The following FAM53C variants were observed in gnomAD, a reference collection of about 807,000 sequenced individuals.
FAM53C encodes the protein protein FAM53C.
FAM53C carries 10 observed loss-of-function variants against 34.7 expected under a neutral mutation model. The observed-to-expected ratio is 0.29, with a 90% CI of 0.18 to 0.49. FAM53C has a LOEUF of 0.49. Among genes scored for constraint, FAM53C ranks in the 20% least tolerant of loss-of-function variants. FAM53C has a pLI of 0.99. For missense variants in FAM53C, 442 were observed against 515.3 expected, an observed-to-expected ratio of 0.86 and a Z score of 1.38; for synonymous variants, 203 against 203.6, an observed-to-expected ratio of 1.00 and a Z score of 0.03.
intron 3 of FAM53C, among the ~76,000 whole-genome samples, chr5:138,344,331 A>G (rs1432328329): frequency 6.6e-6 from 1 of 152,062 alleles, no homozygotes; most frequent in East Asian, 1.9e-4. Flanking sequence ...GGCAGTCCTA[A>G]CTCCTGACTT....
chr5:138,342,182 A>G (rs1424408010), intron 3 of FAM53C: 3 of 325,414 alleles, frequency 9.2e-6, no homozygotes, highest in African/African-American at 6.3e-5. Context: ...CCCGTTCCCT[A>G]TCTACCCAGC....
In FAM53C at chr5:138,348,533, T is replaced by C. The variant is rs1761240234; in HGVS notation, c.*1574T>C. On this transcript the variant is annotated 3_prime_UTR_variant, in exon 5 of 5. Transcript: ENST00000239906. ...GGGTTTCCTAGGACCCAGTTCCTCA[T>C]GTAAGGGAGGAAGACCAAGGTCTTT... 1 of 152,178 alleles carries C rather than the reference T, an allele frequency of 6.6e-6. No individual in the cohort carries two copies. The highest frequency in any genetic ancestry group is 2.1e-4 in the South Asian group (1 of 4,832). The allele number at this position is 152,178 out of a possible 1,614,324, so 9.4% of individuals were successfully genotyped here. A position where few individuals can be genotyped will look rare whatever the true frequency, so the allele number is the denominator to read the frequency against.
chr5:138,345,654 C>G lies in FAM53C; in HGVS notation c.921+45C>G. 2 of 1,569,456 alleles carry G rather than the reference C, an allele frequency of 1.3e-6. No homozygotes were observed. The highest frequency in any genetic ancestry group is 2.7e-5 in the African/African-American group (2 of 74,004). On this transcript the variant is annotated intron_variant, in intron 4 of 4. Coordinates refer to ENST00000239906, the MANE Select transcript of FAM53C (RefSeq NM_016605.3). The surrounding 1 kb of genome is among the most constrained non-coding windows in gnomAD (Gnocchi z 6.3). ...GGGAGCTTAGATGGGAGTGTGGGGA[C>G]TGTTCTGTTTCCACTTTTGAGCTAG... is the stretch of plus-strand genomic sequence containing the variant.
chr5:138,346,526 A>G (rs1272911230), intron 4 of FAM53C, among the ~76,000 whole-genome samples, 176 bp from the exon 5 acceptor site: 2 of 152,170 alleles, frequency 1.3e-5, no homozygotes, highest in Admixed American at 6.5e-5. Context: ...GGGGAGGCTG[A>G]GGCAGGAGAA....
intron 1 of FAM53C, among the ~76,000 whole-genome samples, chr5:138,339,422 G>A (rs997909217): frequency 2.0e-5 from 3 of 152,184 alleles, no homozygotes; most frequent in Non-Finnish European, 4.4e-5. Context: ...TTACCACTGT[G>A]TGTGGCCACA....
At position 138,345,302 on chromosome 5, in the gene FAM53C, C is replaced by G. The variant is rs1331812168; in HGVS notation, c.614C>G (p.Pro205Arg). 1.9e-6 allele frequency: 3 copies of G among 1,614,114 alleles called. No homozygotes were observed. In the African/African-American group the frequency reaches 4.0e-5, roughly 22 times the overall value. The change falls in exon 4 of 5, where the codon CCC (proline) becomes CGC (arginine). Residue 205 changes from proline (P) to arginine (R), a missense_variant. Physicochemically the swap from Pro to Arg is moderately radical, Grantham distance 103. Coordinates refer to ENST00000239906, the MANE Select transcript of FAM53C (RefSeq NM_016605.3). The surrounding 1 kb of genome is among the most constrained non-coding windows in gnomAD (Gnocchi z 6.3). The stretch of plus-strand genomic sequence containing the variant: ...GCCCTGGCCCAAGATTCCTCTCGAC[C>G]CTGCGCCGCCTCCCCTCAAAGTGGC... ...SLALAQDSSR[P>R]CAASPQSGSW...
At position 138,341,423 on chromosome 5, in the gene FAM53C, C is replaced by T. The variant is rs1328448603; in HGVS notation, c.78+10C>T. 2 of 1,611,930 alleles carry T rather than the reference C, an allele frequency of 1.2e-6. No homozygotes were observed. The highest frequency in any genetic ancestry group is 1.7e-6 in the Non-Finnish European group (2 of 1,178,200). On this transcript the variant is annotated intron_variant, in intron 2 of 4. Transcript: ENST00000239906. ...CTTCAGCATCAGTCTGGTAAAAGAC[C>T]AGTCTTCCTGCTTCTCCACGACCCC... is the stretch of plus-strand genomic sequence containing the variant.
chr5:138,343,153 G>A (rs1399450430), intron 3 of FAM53C: 2 of 152,060 alleles, frequency 1.3e-5, no homozygotes, highest in African/African-American at 4.8e-5. Context: ...ATGTACAGTG[G>A]CTTATTTAAT....
chr5:138,339,428 C>A (rs1050768481), intron 1 of FAM53C, among the ~76,000 whole-genome samples: 1 of 152,294 alleles, frequency 6.6e-6, no homozygotes, highest in Admixed American at 6.5e-5. Context: ...CTGTGTGTGG[C>A]CACATCCCAA....
chr5:138,339,871 C>T (rs886809417), intron 1 of FAM53C, among the ~76,000 whole-genome samples: 2 of 152,204 alleles, frequency 1.3e-5, no homozygotes, highest in African/African-American at 4.8e-5. Context: ...TCCTTGTGCC[C>T]TCCTTCTAAG....
At chr5:138,337,788 T>C (rs1468365802), upstream of FAM53C, 17 of 400,356 alleles carry the variant, frequency 4.2e-5, no homozygotes, top group Non-Finnish European at 2.3e-5. Flanking sequence ...CGCGGACGGG[T>C]CCTTTGCTGG....
chr5:138,338,248 G>A (rs1422333893), upstream of FAM53C: 1 of 1,146,240 alleles, frequency 8.7e-7, no homozygotes, highest in African/African-American at 1.6e-5. Context: ...AGGGCACCGT[G>A]GGGCGAACCG....
chr5:138,339,561 C>T (rs1200123939), intron 1 of FAM53C, among the ~76,000 whole-genome samples: 2 of 152,190 alleles, frequency 1.3e-5, no homozygotes, highest in Admixed American at 1.3e-4. Flanking sequence ...CCCTGCTCCT[C>T]ATAGCTGGTT....
At position 138,344,808 on chromosome 5, in the gene FAM53C, T is replaced by C. The variant is rs768377754; in HGVS notation, c.137-17T>C. 70 of 1,514,324 alleles carry C rather than the reference T, an allele frequency of 4.6e-5. No homozygotes were observed. Among genetic ancestry groups the C allele is most frequent in the Admixed American group, 6.8e-5 (3 of 44,036 alleles). The allele number at this position is 1,514,324 out of a possible 1,614,324, so 93.8% of individuals were successfully genotyped here. A position where few individuals can be genotyped will look rare whatever the true frequency, so the allele number is the denominator to read the frequency against. On this transcript the variant is annotated splice_polypyrimidine_tract_variant and intron_variant, in intron 3 of 4. Transcript: ENST00000239906. Reference sequence around the variant, plus strand: ...TAAGCTATCATTAATATTATTCTTATTATAAATGCCTTCCAGAAGGTGCTT... The same window carrying C: ...TAAGCTATCATTAATATTATTCTTACTATAAATGCCTTCCAGAAGGTGCTT...
chr5:138,342,173 C>T lies in FAM53C; in HGVS notation c.136+307C>T, dbSNP rs73255842. 1,904 of 346,056 alleles carry T rather than the reference C, an allele frequency of 5.5e-3. 40 individuals carry two copies. The highest frequency in any genetic ancestry group is 0.037 in the African/African-American group (1,779 of 48,104). 21.4% of individuals were successfully genotyped at this position (346,056 alleles called of 1,614,324 possible). A position where few individuals can be genotyped will look rare whatever the true frequency, so the allele number is the denominator to read the frequency against. On this transcript the variant is annotated intron_variant, in intron 3 of 4. Coordinates refer to ENST00000239906, the MANE Select transcript of FAM53C (RefSeq NM_016605.3). ...GCTGAGAAAAGTCTCTCTTACTCTC[C>T]CGTTCCCTATCTACCCAGCTTCTAC... is the stretch of plus-strand genomic sequence containing the variant.
rs1365904238 is a variant in FAM53C, at chr5:138,347,845, T to C, written c.*886T>C. On this transcript the variant is annotated 3_prime_UTR_variant, in exon 5 of 5. Coordinates refer to ENST00000239906, the MANE Select transcript of FAM53C (RefSeq NM_016605.3). ...CAGCACATGGGCAACTGAAGCAGGG[T>C]TGAGGGGCTCTCTCTCTCTCTCCTC... 2.3e-5 allele frequency: 2 copies of C among 86,228 alleles called. No homozygotes were observed. The highest frequency in any genetic ancestry group is 6.9e-4 in the South Asian group (1 of 1,456). 5.3% of individuals were successfully genotyped at this position (86,228 alleles called of 1,614,324 possible).
rs753664211 is a variant in FAM53C at position 138,347,004 on chromosome 5, T to C, written c.*45T>C. On this transcript the variant is annotated 3_prime_UTR_variant, in exon 5 of 5. Transcript: ENST00000239906. The stretch of plus-strand genomic sequence containing the variant: ...GGGGCCACACAGACTGACTCTCTCA[T>C]GGCTACTAACAAGTGTCGAGTCCCC... 6.2e-7 allele frequency: 1 copy of C among 1,611,244 alleles called. No homozygotes were observed. Among genetic ancestry groups the C allele is most frequent in the South Asian group, 1.1e-5 (1 of 90,814 alleles).
At position 138,345,377 on chromosome 5, in the gene FAM53C, G is replaced by A. The variant is rs775731694; in HGVS notation, c.689G>A (p.Arg230His). The change falls in exon 4 of 5, where the codon CGC becomes CAC. Residue 230 changes from arginine to histidine, a missense_variant. Coordinates refer to ENST00000239906, the MANE Select transcript of FAM53C (RefSeq NM_016605.3). This position sits in a 1 kb window ranked among gnomAD's most constrained non-coding sequence, Gnocchi z 6.3. ...TTGTCACCTTGCCCACCTCAGCGCC[G>A]CTTCTCCCTGTCACCCAGTCTGGGC... ...ESLSPCPPQR[R>H]FSLSPSLGPQ... 3.1e-6 allele frequency: 5 copies of A among 1,613,914 alleles called. No homozygotes were observed. Among genetic ancestry groups the A allele is most frequent in the East Asian group, 2.2e-5 (1 of 44,892 alleles).
In FAM53C at chr5:138,346,866, G is replaced by T; in HGVS notation, c.1086G>T (p.Gly362=). The part of the protein sequence containing the change: ...VLSESEEEEE[G]AVRWGRQALS... ...GTGAAAGCGAAGAGGAGGAGGAGGG[G>T]GCTGTGCGGTGGGGTCGGCAGGCGC... Residue 362 remains glycine, a synonymous_variant, in exon 5 of 5, where the codon GGG becomes GGT. Transcript: ENST00000239906. 1.2e-6 allele frequency: 2 copies of T among 1,614,192 alleles called. No homozygotes were observed. Among genetic ancestry groups the T allele is most frequent in the South Asian group, 2.2e-5 (2 of 91,084 alleles).
Sources: allele counts gnomAD v4.1 joint callset (sites outside exome capture counted in the v4.1 genomes callset), GRCh38; gene constraint gnomAD v4.1.1; non-coding constraint Gnocchi (gnomAD v3.1); transcripts MANE v1.5; gene names NCBI Gene and HGNC (gene_info 2026-07-23, HGNC 2026-07-21).